The following JAKMIP3 variants were observed in gnomAD, a reference collection of about 807,000 sequenced individuals.
The protein encoded by JAKMIP3 is janus kinase and microtubule-interacting protein 3.
A neutral mutation model predicts 118.5 loss-of-function variants in JAKMIP3; 58 were observed. The observed-to-expected ratio is 0.49, with a 90% CI of 0.40 to 0.61. The LOEUF (loss-of-function observed/expected upper bound fraction) is 0.61. Among genes scored for constraint, JAKMIP3 ranks in the 20% least tolerant of loss-of-function variants. JAKMIP3 has a pLI of 0.00. For missense variants in JAKMIP3, 950 were observed against 1,109.0 expected, an observed-to-expected ratio of 0.86 and a Z score of 2.04; for synonymous variants, 486 against 451.2, an observed-to-expected ratio of 1.08 and a Z score of -0.98.
At chr10:132,140,413 G>C (rs1478051060) in intron 9 of JAKMIP3, 38 bp from the exon 10 acceptor site, 8 of 1,612,152 alleles carry the variant, frequency 5.0e-6, no homozygotes, top group Non-Finnish European at 6.8e-6. Context: ...CTGTGCCTGG[G>C]TCTGGTTTGA....
chr10:132,149,425 A>G lies in JAKMIP3; in HGVS notation c.1862A>G (p.Lys621Arg), dbSNP rs2136118592. 6.2e-7 allele frequency: 1 copy of G among 1,601,624 alleles called. No homozygotes were observed. Among genetic ancestry groups the G allele is most frequent in the Non-Finnish European group, 8.5e-7 (1 of 1,174,692 alleles). ...RILELEERER[K>R]SPAISFHHTP... ...CCTCTGTCCTAGGAGAGGGAGAGGA[A>G]GTCACCCGCCATCAGCTTCCACCAC... Residue 621 changes from lysine to arginine, a missense_variant, in exon 15 of 24, where the codon AAG becomes AGG. Physicochemically the swap from Lys to Arg is conservative, Grantham distance 26. Coordinates refer to ENST00000684848, the MANE Select transcript of JAKMIP3 (RefSeq NM_001323087.2).
intron 1 of JAKMIP3, among the ~76,000 whole-genome samples, chr10:132,040,638 CTTTT>C (rs34272105): frequency 1.4e-5 from 2 of 146,418 alleles, no homozygotes; most frequent in South Asian, 2.2e-4. Context: ...TCCCGATGAG[CTTTT>C]TTTTTTTTTC....
chr10:132,074,727 C>T (rs10781551), intron 1 of JAKMIP3, among the ~76,000 whole-genome samples: 8,071 of 152,220 alleles, frequency 0.053, 449 homozygotes, highest in East Asian at 0.25. Flanking sequence ...TTTGTTTTTG[C>T]GGACTCAGTC....
chr10:132,158,096 G>GCCCCA (rs2057322243), intron 19 of JAKMIP3, among the ~76,000 whole-genome samples: 1 of 23,490 alleles, frequency 4.3e-5, no homozygotes, highest in African/African-American at 1.4e-4. Context: ...GCCCCGCCCC[G>GCCCCA]CCCCGCCCCC....
At chr10:132,060,581 G>A (rs751033562), upstream of JAKMIP3, among the ~76,000 whole-genome samples, 2 of 152,158 alleles carry the variant, frequency 1.3e-5, no homozygotes. Flanking sequence ...AGGCTATCTC[G>A]CATGAATTTG....
At chr10:132,122,399 C>G (rs1381365020) in intron 3 of JAKMIP3, among the ~76,000 whole-genome samples, 2 of 152,276 alleles carry the variant, frequency 1.3e-5, no homozygotes, top group Non-Finnish European at 2.9e-5. Context: ...GCCGAGGCTC[C>G]TGGGTGCCAA....
intron 2 of JAKMIP3, among the ~76,000 whole-genome samples, chr10:132,107,577 A>C (rs2046106817): frequency 6.6e-6 from 1 of 152,202 alleles, no homozygotes; most frequent in South Asian, 2.1e-4. Context: ...CCCTCGCCAG[A>C]GGGTTCATGT....
intron 3 of JAKMIP3, among the ~76,000 whole-genome samples, chr10:132,132,969 TGG>T (rs2050928434): frequency 1.3e-5 from 2 of 152,150 alleles, no homozygotes; most frequent in Admixed American, 1.3e-4. Flanking sequence ...GAGCTGGAGG[TGG>T]TTTCTGCTGA....
At chr10:132,141,110 TGTTGTGGGACCCAGACCCTGTG>T (rs2053426938) in intron 10 of JAKMIP3, among the ~76,000 whole-genome samples, 1 of 152,086 alleles carries the variant, frequency 6.6e-6, no homozygotes, top group Non-Finnish European at 1.5e-5. Context: ...CGGGGCTTGG[TGTTGTGGGACCCAGACCCTGTG>T]GCTGTGGGAC....
chr10:132,156,395 G>A (rs1017852428), intron 19 of JAKMIP3, among the ~76,000 whole-genome samples: 8 of 152,164 alleles, frequency 5.3e-5, no homozygotes, highest in African/African-American at 1.4e-4. Context: ...GTTGCTGCCC[G>A]GGTGGAGAGG....
intron 1 of JAKMIP3, among the ~76,000 whole-genome samples, chr10:132,094,841 AG>A (rs1176974554): frequency 6.6e-6 from 1 of 151,882 alleles, no homozygotes; most frequent in Admixed American, 6.6e-5. Context: ...TGGATGGGGA[AG>A]GACCATCAGG....
At chr10:132,128,264 A>G (rs2049983221) in intron 3 of JAKMIP3, among the ~76,000 whole-genome samples, 1 of 152,236 alleles carries the variant, frequency 6.6e-6, no homozygotes, top group African/African-American at 2.4e-5. Flanking sequence ...TTTCCGTTGA[A>G]AAGCCAGCCA....
chr10:132,156,687 A>G (rs2057131989), intron 19 of JAKMIP3, among the ~76,000 whole-genome samples: 1 of 152,172 alleles, frequency 6.6e-6, no homozygotes, highest in Non-Finnish European at 1.5e-5. Context: ...TGGGGCAAGC[A>G]GGGACCATGT....
chr10:132,085,750 C>T (rs889857485), intron 1 of JAKMIP3, among the ~76,000 whole-genome samples: 16 of 152,294 alleles, frequency 1.1e-4, no homozygotes, highest in South Asian at 4.1e-4. Context: ...CCACCCACCT[C>T]GGCCTCCCAA....
At position 132,179,090 on chromosome 10, in the gene JAKMIP3, C is replaced by T. The variant is rs1456573392; in HGVS notation, c.*1104-3267C>T. On this transcript the variant is annotated intron_variant, in intron 23 of 23. Coordinates refer to ENST00000684848, the MANE Select transcript of JAKMIP3 (RefSeq NM_001323087.2). The surrounding 1 kb of genome is among the most constrained non-coding windows in gnomAD (Gnocchi z 4.3). ...CTGGGTGGTGCCCCAGGCATGCTGC[C>T]ATCTCCTGTCCCTGCTGCCGCCCTT... is the stretch of plus-strand genomic sequence containing the variant. Among the ~76,000 whole-genome samples the T allele has an allele frequency of 1.3e-5, 2 of 152,244 alleles. No individual in the cohort carries two copies. Among genetic ancestry groups the T allele is most frequent in the Non-Finnish European group, 2.9e-5 (2 of 68,046 alleles).
intron 1 of JAKMIP3, among the ~76,000 whole-genome samples, chr10:132,077,304 C>T (rs537930678): frequency 1.9e-4 from 29 of 152,240 alleles, no homozygotes; most frequent in African/African-American, 3.9e-4. Context: ...AGGGGGTGTC[C>T]GGTACCTGCA....
chr10:132,038,938 A>ATGGGC (rs1006536775), intron 1 of JAKMIP3, among the ~76,000 whole-genome samples: 2 of 152,056 alleles, frequency 1.3e-5, no homozygotes, highest in African/African-American at 4.8e-5. Flanking sequence ...GAAGCCCGGG[A>ATGGGC]TGGGCTGGGA....
At position 132,112,909 on chromosome 10, in the gene JAKMIP3, C is replaced by T. The variant is rs750883915; in HGVS notation, c.136-4168C>T. The stretch of plus-strand genomic sequence containing the variant: ...TCCCTTCTGCCCCCTTTGGCTGCTC[C>T]ATTCTTTCCTACTCCTTAGAAAAAA... On this transcript the variant is annotated intron_variant, in intron 2 of 23. Transcript: ENST00000684848. This position sits in a 1 kb window ranked among gnomAD's most constrained non-coding sequence, Gnocchi z 4.3. Among the ~76,000 whole-genome samples, 1 of 152,194 alleles carries T rather than the reference C, an allele frequency of 6.6e-6. No individual in the cohort carries two copies. Among genetic ancestry groups the T allele is most frequent in the Non-Finnish European group, 1.5e-5 (1 of 68,040 alleles).
chr10:132,137,422 G>A, intron 8 of JAKMIP3, 133 bp downstream of exon 8: 3 of 1,111,408 alleles, frequency 2.7e-6, no homozygotes, highest in Non-Finnish European at 3.9e-6. Context: ...GGATTTTGTT[G>A]TTGCAGTGCC....
Sources: allele counts gnomAD v4.1 joint callset (sites outside exome capture counted in the v4.1 genomes callset), GRCh38; gene constraint gnomAD v4.1.1; non-coding constraint Gnocchi (gnomAD v3.1); transcripts MANE v1.5; gene names NCBI Gene and HGNC (gene_info 2026-07-23, HGNC 2026-07-21).